The following SLCO3A1 variants were observed in gnomAD, a reference collection of about 807,000 sequenced individuals.
SLCO3A1 encodes solute carrier organic anion transporter family member 3A1, also known as PGE1 transporter.
In SLCO3A1, 27 loss-of-function variants were observed where a neutral mutation model predicts 63.1. The ratio of observed to expected loss-of-function variants is 0.43; its 90% CI spans 0.32 to 0.59. The LOEUF is 0.59. Ranked by LOEUF, SLCO3A1 falls within the 20% of genes least tolerant of loss-of-function variation. The pLI, the probability that SLCO3A1 is intolerant of heterozygous loss-of-function variation, is 0.09. For synonymous variants in SLCO3A1, 473 were observed against 409.9 expected (o/e 1.15, Z -1.86); for missense variants, 773 against 945.8 (o/e 0.82, Z 2.40).
chr15:92,145,898 G>A (rs2048215389), intron 7 of SLCO3A1, among the ~76,000 whole-genome samples: 1 of 152,076 alleles, frequency 6.6e-6, no homozygotes, highest in Admixed American at 6.5e-5. Context: ...TTGGGTTTGG[G>A]GCACATGAAC....
intron 2 of SLCO3A1, among the ~76,000 whole-genome samples, chr15:91,926,246 C>G (rs897378811): frequency 6.6e-6 from 1 of 152,204 alleles, no homozygotes; most frequent in African/African-American, 2.4e-5. Context: ...CCCCTCTCCA[C>G]CTTTCTCCCT....
intron 1 of SLCO3A1, among the ~76,000 whole-genome samples, chr15:91,899,503 G>A (rs886303492): frequency 6.6e-6 from 1 of 152,076 alleles, no homozygotes; most frequent in East Asian, 1.9e-4. Context: ...TCCTCTTGCA[G>A]GAAGCTTTTT....
At chr15:92,134,087 C>A (rs551070056) in intron 7 of SLCO3A1, among the ~76,000 whole-genome samples, 1 of 152,342 alleles carries the variant, frequency 6.6e-6, no homozygotes, top group East Asian at 1.9e-4. Flanking sequence ...TTGGCTGGAA[C>A]TGAGAAGCGC....
rs1897066636 is a variant in SLCO3A1 at position 91,862,262 on chromosome 15, T to A, written c.180+8174T>A. 6.6e-6 allele frequency among the ~76,000 whole-genome samples: 1 copy of A among 152,088 alleles called. No individual in the cohort carries two copies. Among genetic ancestry groups the A allele is most frequent in the Admixed American group, 6.5e-5 (1 of 15,268 alleles). On this transcript the variant is annotated intron_variant, in intron 1 of 9. Coordinates refer to ENST00000318445, the MANE Select transcript of SLCO3A1 (RefSeq NM_013272.4). The surrounding 1 kb of genome is among the most constrained non-coding windows in gnomAD (Gnocchi z 4.0). ...TCTGCCTCCCGGGTTCAAGCAATTC[T>A]CCTGCCTCAGCCTCCCCAGTAGCTG...
In SLCO3A1 at chr15:91,954,356, G is replaced by C. The variant is rs1158637203; in HGVS notation, c.646+37898G>C. Among the ~76,000 whole-genome samples the C allele has an allele frequency of 6.6e-6, 1 of 152,190 alleles. No individual in the cohort carries two copies. Among genetic ancestry groups the C allele is most frequent in the African/African-American group, 2.4e-5 (1 of 41,422 alleles). The stretch of plus-strand genomic sequence containing the variant: ...GATCCTGAATGCCATCTGCAGGACG[G>C]GCACTGTGCTGAGCCTCAGCCAGGC... On this transcript the variant is annotated intron_variant, in intron 2 of 9. Coordinates refer to ENST00000318445, the MANE Select transcript of SLCO3A1 (RefSeq NM_013272.4). This position sits in a 1 kb window ranked among gnomAD's most constrained non-coding sequence, Gnocchi z 4.7.
At chr15:91,971,614 G>A (rs1900875970) in intron 2 of SLCO3A1, among the ~76,000 whole-genome samples, 1 of 151,996 alleles carries the variant, frequency 6.6e-6, no homozygotes, top group African/African-American at 2.4e-5. Flanking sequence ...AAATATGTGT[G>A]TTAAAGAAGC....
At chr15:92,126,503 C>G (rs2047925646) in intron 6 of SLCO3A1, among the ~76,000 whole-genome samples, 1 of 152,122 alleles carries the variant, frequency 6.6e-6, no homozygotes, top group South Asian at 2.1e-4. Flanking sequence ...CCCTGGCAGA[C>G]TCACATCGCG....
chr15:92,091,459 G>A (rs1006686641), intron 2 of SLCO3A1, among the ~76,000 whole-genome samples: 15 of 152,194 alleles, frequency 9.9e-5, no homozygotes, highest in Admixed American at 5.2e-4. Context: ...GCCAAAACAA[G>A]AACAAAATCA....
At chr15:92,143,978 G>T (rs2048185808) in intron 7 of SLCO3A1, among the ~76,000 whole-genome samples, 1 of 152,220 alleles carries the variant, frequency 6.6e-6, no homozygotes, top group Non-Finnish European at 1.5e-5. Context: ...CCAGAGGTGG[G>T]CATGGCGCCT....
At chr15:92,036,337 C>A (rs1012185972) in intron 2 of SLCO3A1, among the ~76,000 whole-genome samples, 5 of 148,826 alleles carry the variant, frequency 3.4e-5, no homozygotes, top group African/African-American at 1.2e-4. Context: ...AATTTGGTAT[C>A]TGAAAAACCT....
chr15:91,960,250 T>C (rs1900394507), intron 2 of SLCO3A1, among the ~76,000 whole-genome samples: 1 of 152,220 alleles, frequency 6.6e-6, no homozygotes, highest in African/African-American at 2.4e-5. Context: ...CCCAGAGTGC[T>C]GAGATTACAG....
intron 2 of SLCO3A1, among the ~76,000 whole-genome samples, chr15:92,062,008 C>T (rs140185548): frequency 6.6e-6 from 1 of 152,334 alleles, no homozygotes; most frequent in Non-Finnish European, 1.5e-5. Context: ...ACACCCAGCC[C>T]TCCCTGGAGC....
intron 3 of SLCO3A1, among the ~76,000 whole-genome samples, chr15:92,101,416 G>A (rs1255262379): frequency 6.6e-6 from 1 of 152,122 alleles, no homozygotes; most frequent in East Asian, 1.9e-4. Context: ...GGCTAAGGCA[G>A]GAGAATCGCT....
At chr15:92,090,800 TAACA>T (rs2047463607) in intron 2 of SLCO3A1, among the ~76,000 whole-genome samples, 1 of 152,178 alleles carries the variant, frequency 6.6e-6, no homozygotes, top group African/African-American at 2.4e-5. Flanking sequence ...GTCATCTATT[TAACA>T]AACCCTTCCC....
chr15:91,931,530 G>A (rs905895947), intron 2 of SLCO3A1, among the ~76,000 whole-genome samples: 1 of 151,436 alleles, frequency 6.6e-6, no homozygotes, highest in African/African-American at 2.4e-5. Context: ...GAGTGCAATG[G>A]TGCGATCTTG....
chr15:92,040,218 A>C (rs1021227121), intron 2 of SLCO3A1, among the ~76,000 whole-genome samples: 1 of 152,200 alleles, frequency 6.6e-6, no homozygotes, highest in African/African-American at 2.4e-5. Flanking sequence ...GTAAAAAATT[A>C]AAAAAATAAA....
At chr15:92,158,533 G>A (rs1055521483) in intron 9 of SLCO3A1, among the ~76,000 whole-genome samples, 2 of 152,192 alleles carry the variant, frequency 1.3e-5, no homozygotes, top group East Asian at 1.9e-4. Context: ...TGGGTAGGGG[G>A]TAGTTAATGA....
Position 91,948,475 on chromosome 15 carries a change from G to A in SLCO3A1, c.646+32017G>A, listed in dbSNP as rs996498930. Among the ~76,000 whole-genome samples the A allele has an allele frequency of 3.3e-5, 5 of 152,230 alleles. No homozygotes were observed. The highest frequency in any genetic ancestry group is 7.3e-5 in the Non-Finnish European group (5 of 68,038). Reference sequence around the variant, plus strand: ...CACAGCACCACCTGGGTGGAAAGCAGCAGTCATTGGTTAGGAATTTGGGGA... The same window carrying A: ...CACAGCACCACCTGGGTGGAAAGCAACAGTCATTGGTTAGGAATTTGGGGA... On this transcript the variant is annotated intron_variant, in intron 2 of 9. Transcript: ENST00000318445. This position sits in a 1 kb window ranked among gnomAD's most constrained non-coding sequence, Gnocchi z 4.8.
intron 2 of SLCO3A1, among the ~76,000 whole-genome samples, chr15:91,986,828 A>G (rs149631459): frequency 7.9e-4 from 121 of 152,356 alleles, no homozygotes; most frequent in African/African-American, 2.7e-3. Context: ...AAATAGGAAG[A>G]TAGAACATAT....
Sources: gnomAD v4.1 joint callset for allele counts (sites outside exome capture counted in the v4.1 genomes callset) on GRCh38, gnomAD v4.1.1 for gene constraint, Gnocchi (gnomAD v3.1) non-coding constraint, MANE v1.5 for transcripts, NCBI Gene and HGNC (gene_info 2026-07-23, HGNC 2026-07-21) for gene names.